RDH12: variants seen among roughly 807,000 people sequenced by gnomAD.
RDH12 encodes retinol dehydrogenase 12.
A neutral mutation model predicts 34.0 loss-of-function variants in RDH12; 21 were observed. That is an observed-to-expected ratio of 0.62 (90% CI 0.44 to 0.89). The LOEUF (loss-of-function observed/expected upper bound fraction) is 0.89. RDH12 is among the 40% of genes least tolerant of loss of function. The pLI, the probability that RDH12 is intolerant of heterozygous loss-of-function variation, is 0.00. For missense variants in RDH12, 394 were observed against 398.6 expected (o/e 0.99, Z 0.10); for synonymous variants, 198 against 169.9 (o/e 1.17, Z -1.29).
rs977309442 is a variant in RDH12, at chr14:67,727,385, C to T, written c.658+195C>T. 23 of 595,970 alleles carry T rather than the reference C, an allele frequency of 3.9e-5. No homozygotes were observed. In the African/African-American group the frequency reaches 4.1e-4, roughly 11 times the overall value. 36.9% of individuals were successfully genotyped at this position (595,970 alleles called of 1,614,324 possible). ...CTTAAAATCAAATAGGGGTTAAGAA[C>T]CTCAAAAAGTTACCTTGTATTTGTG... On this transcript the variant is annotated intron_variant, in intron 7 of 8. Transcript: ENST00000551171.
chr14:67,722,503 C>T lies in RDH12; in HGVS notation c.-140C>T. The T allele has an allele frequency of 6.3e-6, 5 of 790,706 alleles. No individual in the cohort carries two copies. The East Asian group carries it at 1.2e-4, about 19-fold the overall frequency. 49.0% of individuals were successfully genotyped at this position (790,706 alleles called of 1,614,324 possible). A position where few individuals can be genotyped will look rare whatever the true frequency, so the allele number is the denominator to read the frequency against. ...CTGGGCTCTGCTCAGAGTCAGGCTG[C>T]TGCTCAGCACCCAGGACGGAGAGGA... On this transcript the variant is annotated 5_prime_UTR_variant, in exon 3 of 9. Transcript: ENST00000551171.
chr14:67,724,449 T>C (rs765759295), intron 3 of RDH12, 24 bp from the exon 4 acceptor site: 17 of 1,498,080 alleles, frequency 1.1e-5, no homozygotes, highest in Non-Finnish European at 1.5e-5. Flanking sequence ...TGGTACGTGA[T>C]GCTCTTGTTT....
intron 2 of RDH12, among the ~76,000 whole-genome samples, chr14:67,721,983 GA>G (rs774214913): frequency 3.3e-5 from 5 of 152,074 alleles, no homozygotes; most frequent in Non-Finnish European, 5.9e-5. Context: ...ATAAAATGCA[GA>G]AAAGTGCACA....
At position 67,729,200 on chromosome 14, in the gene RDH12, T is replaced by G; in HGVS notation, c.668T>G (p.Val223Gly). ...GCCCTCTTTGTCCCAGGCACCGGGGTCACCACCTACGCAGTGCACCCAGGC... is the reference window on the plus strand; with the variant it reads ...GCCCTCTTTGTCCCAGGCACCGGGGGCACCACCTACGCAGTGCACCCAGGC... ...ELAKRLQGTG[V>G]TTYAVHPGVV... Residue 223 changes from valine (V) to glycine (G), a missense_variant, in exon 8 of 9, where the codon GTC becomes GGC. Transcript: ENST00000551171. 1 of 1,612,634 alleles carries G rather than the reference T, an allele frequency of 6.2e-7. No homozygotes were observed. Among genetic ancestry groups the G allele is most frequent in the Non-Finnish European group, 8.5e-7 (1 of 1,179,950 alleles).
rs2038181589 is a variant in RDH12, at chr14:67,726,062, C to T, written c.355C>T (p.Leu119Phe). ...GTTGTGCCCTATAGAGGAAAAGCAG[C>T]TCCATATTCTGATCAACAATGCGGG... is the stretch of plus-strand genomic sequence containing the variant. ...AEGFLAEEKQ[L>F]HILINNAGVM... Residue 119 changes from leucine to phenylalanine, a missense_variant, in exon 6 of 9, where the codon CTC becomes TTC. Coordinates refer to ENST00000551171, the MANE Select transcript of RDH12 (RefSeq NM_152443.3). 1 of 1,613,376 alleles carries T rather than the reference C, an allele frequency of 6.2e-7. No homozygotes were observed. Among genetic ancestry groups the T allele is most frequent in the Admixed American group, 1.7e-5 (1 of 60,018 alleles).
chr14:67,733,823 A>G lies in RDH12; in HGVS notation c.926A>G (p.Glu309Gly), dbSNP rs1324986257. The stretch of plus-strand genomic sequence containing the variant: ...GAGCGCCTATGGAATGTCAGCTGTG[A>G]GCTTCTAGGAATCCGGTGGGAGTAG... Reference protein sequence around the residue: ...TAERLWNVSCELLGIRWE With the variant: ...TAERLWNVSCGLLGIRWE The change falls in exon 9 of 9, where the codon GAG becomes GGG. Residue 309 changes from glutamate (E) to glycine (G), a missense_variant. Coordinates refer to ENST00000551171, the MANE Select transcript of RDH12 (RefSeq NM_152443.3). 6.2e-7 allele frequency: 1 copy of G among 1,612,972 alleles called. No individual in the cohort carries two copies. Among genetic ancestry groups the G allele is most frequent in the South Asian group, 1.1e-5 (1 of 91,060 alleles).
At position 67,733,735 on chromosome 14, in the gene RDH12, C is replaced by T. The variant is rs754471567; in HGVS notation, c.849-11C>T. ...CATTCCTGGAATTTACTGTCTTTCT[C>T]TGCCCTCCAGTGACTGCAAGAGGAC... On this transcript the variant is annotated splice_polypyrimidine_tract_variant and intron_variant, in intron 8 of 8. Coordinates refer to ENST00000551171, the MANE Select transcript of RDH12 (RefSeq NM_152443.3). 6.3e-6 allele frequency: 10 copies of T among 1,588,218 alleles called. No homozygotes were observed. Among genetic ancestry groups the T allele is most frequent in the Non-Finnish European group, 6.9e-6 (8 of 1,156,852 alleles).
intron 2 of RDH12, among the ~76,000 whole-genome samples, 169 bp from the exon 3 acceptor site, chr14:67,722,255 T>C (rs1050634239): frequency 3.3e-5 from 5 of 152,202 alleles, no homozygotes; most frequent in African/African-American, 9.7e-5. Context: ...ATATTCTATA[T>C]ATTCCATCTT....
At chr14:67,717,620 T>C (rs1248854764) in intron 1 of RDH12, among the ~76,000 whole-genome samples, 3 of 152,334 alleles carry the variant, frequency 2.0e-5, no homozygotes, top group Non-Finnish European at 1.5e-5. Flanking sequence ...TTTTGCCCCA[T>C]AGTGAACAGC....
intron 1 of RDH12, among the ~76,000 whole-genome samples, chr14:67,719,007 C>G (rs959909393): frequency 9.2e-5 from 14 of 152,174 alleles, no homozygotes; most frequent in African/African-American, 3.4e-4. Flanking sequence ...GAGAATTTAT[C>G]CAGTAAGATA....
intron 1 of RDH12, among the ~76,000 whole-genome samples, chr14:67,703,235 A>G (rs1465116417): frequency 6.6e-6 from 1 of 152,220 alleles, no homozygotes; most frequent in African/African-American, 2.4e-5. Context: ...GTTAGTTCAC[A>G]TGGCTAAATT....
intron 7 of RDH12, chr14:67,728,168 T>A (rs746110750): frequency 6.6e-6 from 1 of 152,220 alleles, no homozygotes; most frequent in Non-Finnish European, 1.5e-5. Flanking sequence ...GGTCCATTTG[T>A]TACAGTGAAT....
At chr14:67,731,260 G>A (rs561221234) in intron 8 of RDH12, among the ~76,000 whole-genome samples, 11 of 136,314 alleles carry the variant, frequency 8.1e-5, no homozygotes, top group African/African-American at 2.7e-4. Context: ...TGTTGCCCAG[G>A]CTGGAGTGCA....
chr14:67,713,396 CCA>C (rs1491587222), intron 1 of RDH12, among the ~76,000 whole-genome samples: 9 of 30,388 alleles, frequency 3.0e-4, no homozygotes, highest in African/African-American at 1.1e-3. Flanking sequence ...AAGTAAAACT[CCA>C]AAAAAAAAAA....
At chr14:67,706,529 C>T (rs12892919) in intron 1 of RDH12, among the ~76,000 whole-genome samples, 3 of 152,004 alleles carry the variant, frequency 2.0e-5, no homozygotes, top group Non-Finnish European at 2.9e-5. Context: ...AGGGACAGCT[C>T]GAAGCATGGA....
chr14:67,725,074 T>G, intron 4 of RDH12, 25 bp from the exon 5 acceptor site: 2 of 1,613,986 alleles, frequency 1.2e-6, no homozygotes, highest in Non-Finnish European at 1.7e-6. Context: ...ATGAACATAC[T>G]GCTCTTTTTT....
intron 1 of RDH12, among the ~76,000 whole-genome samples, chr14:67,712,493 CAAAAAAAAAAA>C (rs79758974): frequency 2.1e-4 from 8 of 38,930 alleles, no homozygotes; most frequent in South Asian, 1.5e-3. Context: ...AAAAAACTTG[CAAAAAAAAAAA>C]AAAAAAAAAA....
At chr14:67,721,668 T>C (rs923611731) in intron 2 of RDH12, among the ~76,000 whole-genome samples, 4 of 152,012 alleles carry the variant, frequency 2.6e-5, no homozygotes, top group Admixed American at 1.3e-4. Flanking sequence ...AGCTGACTCT[T>C]ATATACTGTT....
At chr14:67,706,624 A>C (rs2037953124) in intron 1 of RDH12, among the ~76,000 whole-genome samples, 1 of 152,228 alleles carries the variant, frequency 6.6e-6, no homozygotes. Context: ...GGAGGCAATC[A>C]GATACGCATT....
Sources: gnomAD v4.1 joint callset for allele counts (sites outside exome capture counted in the v4.1 genomes callset) on GRCh38, gnomAD v4.1.1 for gene constraint, MANE v1.5 for transcripts, NCBI Gene and HGNC (gene_info 2026-07-23, HGNC 2026-07-21) for gene names.